Variants in PPFIA2 observed in about 807,000 individuals in gnomAD.
The protein encoded by PPFIA2 is PPFI scaffold protein A2.
In PPFIA2, 46 loss-of-function variants were observed where a neutral mutation model predicts 175.5. That is an observed-to-expected ratio of 0.26 (90% CI 0.21 to 0.34). The LOEUF is 0.34. Ranked by LOEUF, PPFIA2 falls within the 10% of genes least tolerant of loss-of-function variation. The pLI is 1.00. For missense variants in PPFIA2, 1,179 were observed against 1,506.1 expected (o/e 0.78, Z 3.60); for synonymous variants, 568 against 511.4 (o/e 1.11, Z -1.49).
intron 4 of PPFIA2, among the ~76,000 whole-genome samples, chr12:81,623,285 C>T (rs2062283009): frequency 6.6e-6 from 1 of 151,878 alleles, no homozygotes; most frequent in Non-Finnish European, 1.5e-5. Flanking sequence ...TTTCAAGAGG[C>T]ATCCAAAATA....
chr12:81,499,947 T>A (rs1404944947), intron 4 of PPFIA2, among the ~76,000 whole-genome samples: 2 of 152,144 alleles, frequency 1.3e-5, no homozygotes, highest in African/African-American at 4.8e-5. Context: ...TCCAACACTC[T>A]GTGTTGCTAT....
chr12:81,548,319 T>C (rs2067308322), intron 4 of PPFIA2, among the ~76,000 whole-genome samples: 1 of 152,156 alleles, frequency 6.6e-6, no homozygotes, highest in Non-Finnish European at 1.5e-5. Flanking sequence ...TCCAATAATT[T>C]TTCTTTTTTC....
intron 4 of PPFIA2, among the ~76,000 whole-genome samples, chr12:81,585,477 T>C: frequency 6.6e-6 from 1 of 151,944 alleles, no homozygotes; most frequent in East Asian, 1.9e-4. Flanking sequence ...CCGTATTCTA[T>C]AAGCTTCTTT....
At chr12:81,620,438 T>G (rs1323631087) in intron 4 of PPFIA2, among the ~76,000 whole-genome samples, 1 of 152,138 alleles carries the variant, frequency 6.6e-6, no homozygotes, top group Non-Finnish European at 1.5e-5. Context: ...GCATCTTTTT[T>G]TTTGTATTTT....
In PPFIA2 at chr12:81,647,899, ACAT is replaced by A. The variant is rs2066419116; in HGVS notation, c.303+28889_303+28891del. On this transcript the variant is annotated intron_variant, in intron 4 of 32. Coordinates refer to ENST00000549396, the MANE Select transcript of PPFIA2 (RefSeq NM_003625.5). ...ATTATATATATATAAAATCTTGAAG[ACAT>A]CATCAAGAGAAAAAGAGGAACTATG... 2.1e-5 allele frequency among the ~76,000 whole-genome samples: 3 copies of A among 144,532 alleles called. No homozygotes were observed. The East Asian group carries it at 5.9e-4, about 28-fold the overall frequency. 94.8% of individuals were successfully genotyped at this position (144,532 alleles called of 152,430 possible).
intron 4 of PPFIA2, among the ~76,000 whole-genome samples, chr12:81,666,321 T>C (rs2070264600): frequency 6.6e-6 from 1 of 152,228 alleles, no homozygotes; most frequent in African/African-American, 2.4e-5. Flanking sequence ...TGCATGTTTA[T>C]TGCAGCACTA....
chr12:81,329,833 A>G (rs1380954281), intron 21 of PPFIA2, among the ~76,000 whole-genome samples: 1 of 152,220 alleles, frequency 6.6e-6, no homozygotes, highest in African/African-American at 2.4e-5. Flanking sequence ...ACGGTAACTG[A>G]GAACATTTCG....
At chr12:81,283,593 A>G (rs1218476925) in intron 25 of PPFIA2, among the ~76,000 whole-genome samples, 1 of 152,144 alleles carries the variant, frequency 6.6e-6, no homozygotes, top group Non-Finnish European at 1.5e-5. Context: ...GTAGATAATC[A>G]ATTTTCAAAT....
At chr12:81,300,560 A>G (rs1460065380) in intron 22 of PPFIA2, among the ~76,000 whole-genome samples, 2 of 152,184 alleles carry the variant, frequency 1.3e-5, no homozygotes, top group African/African-American at 4.8e-5. Flanking sequence ...ATACAAATTT[A>G]AGTTATAGTG....
Position 81,408,434 on chromosome 12 carries a change from G to A in PPFIA2, c.646-2531C>T, listed in dbSNP as rs543022133. Among the ~76,000 whole-genome samples the A allele has an allele frequency of 8.5e-5, 13 of 152,114 alleles. 1 individual carries two copies. The South Asian group carries it at 2.7e-3, about 32-fold the overall frequency. ...ATTATTAATCTACTCAGAAGTGAAGGGAGACATTTAAAAAATATTTAAAGA... is the reference window on the plus strand; with the variant it reads ...ATTATTAATCTACTCAGAAGTGAAGAGAGACATTTAAAAAATATTTAAAGA... On this transcript the variant is annotated intron_variant, in intron 7 of 32. Coordinates refer to ENST00000549396, the MANE Select transcript of PPFIA2 (RefSeq NM_003625.5).
chr12:81,641,591 C>G (rs1448510193), intron 4 of PPFIA2, among the ~76,000 whole-genome samples: 1 of 152,086 alleles, frequency 6.6e-6, no homozygotes, highest in East Asian at 1.9e-4. Flanking sequence ...CCTGGTCCAG[C>G]CTGTTGGGGG....
In PPFIA2 at chr12:81,299,404, A is replaced by T. The variant is rs532360493; in HGVS notation, c.2643-22T>A. On this transcript the variant is annotated intron_variant, in intron 22 of 32. Coordinates refer to ENST00000549396, the MANE Select transcript of PPFIA2 (RefSeq NM_003625.5). ...ATGCCTGAAGTATATAGCAAAGATT[A>T]TTAGGCAGGTATATGGAAAAATATG... is the stretch of plus-strand genomic sequence containing the variant. 9 of 1,559,890 alleles carry T rather than the reference A, an allele frequency of 5.8e-6. No individual in the cohort carries two copies. In the East Asian group the frequency reaches 1.9e-4, roughly 33 times the overall value.
intron 4 of PPFIA2, among the ~76,000 whole-genome samples, chr12:81,549,451 T>C (rs2067529787): frequency 6.6e-6 from 1 of 152,054 alleles, no homozygotes; most frequent in South Asian, 2.1e-4. Flanking sequence ...AGATGTCAAC[T>C]AGAGTCTTCC....
chr12:81,333,445 C>T (rs1320379274), intron 21 of PPFIA2, among the ~76,000 whole-genome samples: 1 of 152,168 alleles, frequency 6.6e-6, no homozygotes, highest in Non-Finnish European at 1.5e-5. Context: ...TCTCCTCCAA[C>T]CTTCCTCCAG....
Position 81,398,160 on chromosome 12 carries a change from T to C in PPFIA2, c.762+7627A>G, listed in dbSNP as rs183405294. Among the ~76,000 whole-genome samples, 658 of 152,202 alleles carry C rather than the reference T, an allele frequency of 4.3e-3. 2 individuals carry two copies. The highest frequency in any genetic ancestry group is 7.1e-3 in the Non-Finnish European group (483 of 67,976). ...GTGGAAAAATTGTCTTCCACAAAACTGGTTCCTGTTGCCAAAAACTTTGGG... is the reference window on the plus strand; with the variant it reads ...GTGGAAAAATTGTCTTCCACAAAACCGGTTCCTGTTGCCAAAAACTTTGGG... On this transcript the variant is annotated intron_variant, in intron 8 of 32. Transcript: ENST00000549396.
intron 3 of PPFIA2, among the ~76,000 whole-genome samples, chr12:81,699,846 C>G (rs1742082145): frequency 6.6e-6 from 1 of 152,002 alleles, no homozygotes; most frequent in East Asian, 1.9e-4. Context: ...TTCTCCATAT[C>G]TAACTTATTC....
At chr12:81,503,593 A>C (rs2060825782) in intron 4 of PPFIA2, among the ~76,000 whole-genome samples, 1 of 152,128 alleles carries the variant, frequency 6.6e-6, no homozygotes, top group African/African-American at 2.4e-5. Context: ...AATAAAAGAA[A>C]AAAAAAACTT....
intron 4 of PPFIA2, among the ~76,000 whole-genome samples, chr12:81,517,107 CTTTT>C (rs34341719): frequency 8.1e-6 from 1 of 123,710 alleles, no homozygotes; most frequent in Admixed American, 8.3e-5. Flanking sequence ...CACATTGTAG[CTTTT>C]TTTTTTTTTT....
At chr12:81,353,370 T>C (rs774682554) in intron 16 of PPFIA2, 31 bp from the exon 17 acceptor site, 46 of 1,451,032 alleles carry the variant, frequency 3.2e-5, no homozygotes, top group Non-Finnish European at 4.2e-5. Flanking sequence ...TGCAGAATAT[T>C]TATCATATTG....
Sources: allele counts gnomAD v4.1 joint callset (sites outside exome capture counted in the v4.1 genomes callset), GRCh38; gene constraint gnomAD v4.1.1; transcripts MANE v1.5; gene names NCBI Gene and HGNC (gene_info 2026-07-23, HGNC 2026-07-21).